Variants in AKR1D1 observed in about 807,000 individuals in gnomAD.
AKR1D1 encodes the protein aldo-keto reductase family 1 member D1, also known as delta(4)-3-ketosteroid 5-beta-reductase.
AKR1D1 carries 32 observed loss-of-function variants against 42.6 expected under a neutral mutation model. That is an observed-to-expected ratio of 0.75 (90% CI 0.57 to 1.01). The LOEUF (loss-of-function observed/expected upper bound fraction) is 1.01, where lower values mean the gene tolerates loss of function less well. AKR1D1 is among the 50% of genes least tolerant of loss of function. The probability of loss-of-function intolerance (pLI) is 0.00; values close to 1 mark genes in which losing one functional copy is unlikely to be tolerated. For missense variants in AKR1D1, 364 were observed against 402.2 expected (o/e 0.91, Z 0.81); for synonymous variants, 123 against 135.5 (o/e 0.91, Z 0.64).
Position 138,107,410 on chromosome 7 carries a change from T to C in AKR1D1, c.690-5T>C. ...AATTATGATGCATGTTTTGATATTTTTAAGGGTGAATGTTTCTTCTCCACC... is the reference window on the plus strand; with the variant it reads ...AATTATGATGCATGTTTTGATATTTCTAAGGGTGAATGTTTCTTCTCCACC... On this transcript the variant is annotated splice_polypyrimidine_tract_variant and splice_region_variant and intron_variant, in intron 6 of 8. Transcript: ENST00000242375. 1.2e-6 allele frequency: 2 copies of C among 1,613,890 alleles called. No individual in the cohort carries two copies. Among genetic ancestry groups the C allele is most frequent in the Non-Finnish European group, 1.7e-6 (2 of 1,179,768 alleles).
chr7:138,093,648 C>A (rs1171124107), intron 3 of AKR1D1, among the ~76,000 whole-genome samples: 1 of 152,220 alleles, frequency 6.6e-6, no homozygotes, highest in East Asian at 1.9e-4. Context: ...AAAGACCTGC[C>A]TGGCGTTTTT....
chr7:138,088,045 C>G (rs1033043202), intron 1 of AKR1D1, among the ~76,000 whole-genome samples: 1 of 152,018 alleles, frequency 6.6e-6, no homozygotes, highest in Admixed American at 6.6e-5. Context: ...CGCATGCCAC[C>G]ACATCCAGCT....
intron 2 of AKR1D1, among the ~76,000 whole-genome samples, chr7:138,090,391 C>CA (rs1257320754): frequency 1.3e-5 from 2 of 152,012 alleles, no homozygotes; most frequent in Non-Finnish European, 2.9e-5. Context: ...AATCCCAGCA[C>CA]TTTGGAAGGC....
At chr7:138,110,082 T>G (rs1424169083) in intron 7 of AKR1D1, among the ~76,000 whole-genome samples, 4 of 152,122 alleles carry the variant, frequency 2.6e-5, no homozygotes. Context: ...TCACAGCCAA[T>G]TCTCACTCTT....
intron 6 of AKR1D1, chr7:138,107,195 G>T: frequency 1.4e-6 from 1 of 714,354 alleles, no homozygotes; most frequent in East Asian, 2.6e-5. Context: ...TTTACCCTCT[G>T]AAGGAGGCAG....
At chr7:138,090,514 G>A (rs1379365224) in intron 2 of AKR1D1, among the ~76,000 whole-genome samples, 3 of 151,794 alleles carry the variant, frequency 2.0e-5, no homozygotes, top group Admixed American at 6.6e-5. Flanking sequence ...GCAGGTGCCT[G>A]TAATCCCAGC....
At chr7:138,076,703 T>C (rs900133884) in intron 1 of AKR1D1, 92 bp downstream of exon 1, 23 of 1,086,084 alleles carry the variant, frequency 2.1e-5, no homozygotes, top group Middle Eastern at 2.9e-4. Context: ...GCAGATCTCA[T>C]TGACTTACTT....
At chr7:138,087,428 T>A (rs74932077) in intron 1 of AKR1D1, among the ~76,000 whole-genome samples, 1 of 152,254 alleles carries the variant, frequency 6.6e-6, no homozygotes, top group South Asian at 2.1e-4. Context: ...CTCATTCTTA[T>A]GTTTAACGTG....
chr7:138,079,268 G>A (rs1387403463), intron 1 of AKR1D1, among the ~76,000 whole-genome samples: 1 of 152,128 alleles, frequency 6.6e-6, no homozygotes, highest in Admixed American at 6.6e-5. Context: ...TTTAAGCTGA[G>A]GACAGGGTGA....
chr7:138,105,344 C>A lies in AKR1D1; in HGVS notation c.494C>A (p.Ser165Tyr), dbSNP rs1562937115. 1 of 1,614,120 alleles carries A rather than the reference C, an allele frequency of 6.2e-7. No homozygotes were observed. The highest frequency in any genetic ancestry group is 1.7e-5 in the Admixed American group (1 of 60,012). ...TGCAAAGACGCTGGCTTGGTGAAAT[C>A]CCTGGGAGTGTCCAATTTTAACCGC... Reference protein sequence around the residue: ...EACKDAGLVKSLGVSNFNRRQ... With the variant: ...EACKDAGLVKYLGVSNFNRRQ... The change falls in exon 5 of 9, where the codon TCC becomes TAC. Residue 165 changes from serine (S) to tyrosine (Y), a missense_variant. Coordinates refer to ENST00000242375, the MANE Select transcript of AKR1D1 (RefSeq NM_005989.4).
chr7:138,088,626 C>T lies in AKR1D1; in HGVS notation c.119C>T (p.Ser40Leu), dbSNP rs745705949. The T allele has an allele frequency of 8.7e-6, 14 of 1,614,044 alleles. No homozygotes were observed. The highest frequency in any genetic ancestry group is 2.2e-5 in the South Asian group (2 of 91,080). Residue 40 changes from serine (S) to leucine (L), a missense_variant, in exon 2 of 9, where the codon TCG (serine) becomes TTG (leucine). Ser to Leu is a moderately radical substitution (Grantham distance 145). Transcript: ENST00000242375. ...ACCCCTAAGGGAGCCTGTGCAACAT[C>T]GGTGAAGGTTGCTATTGACACAGGG... is the stretch of plus-strand genomic sequence containing the variant. ...KSTPKGACATSVKVAIDTGYR... is the reference protein window; with the variant it reads ...KSTPKGACATLVKVAIDTGYR...
chr7:138,109,353 T>C (rs1371041588), intron 7 of AKR1D1, among the ~76,000 whole-genome samples: 1 of 152,212 alleles, frequency 6.6e-6, no homozygotes, highest in Non-Finnish European at 1.5e-5. Context: ...TTTAGTCCTC[T>C]CTCTCTCTCC....
In AKR1D1 at chr7:138,116,814, T is replaced by A; in HGVS notation, c.*152T>A. The A allele has an allele frequency of 3.0e-6, 2 of 663,556 alleles. No homozygotes were observed. Among genetic ancestry groups the A allele is most frequent in the Middle Eastern group, 5.3e-4 (2 of 3,790 alleles). 41.1% of individuals were successfully genotyped at this position (663,556 alleles called of 1,614,324 possible). A position where few individuals can be genotyped will look rare whatever the true frequency, so the allele number is the denominator to read the frequency against. On this transcript the variant is annotated 3_prime_UTR_variant, in exon 9 of 9. Transcript: ENST00000242375. ...ATGTTTAATGTTTGTGCAGTGTAAA[T>A]GACTTTGACTCAGTCACATTGAAGT...
intron 1 of AKR1D1, among the ~76,000 whole-genome samples, chr7:138,083,851 C>G (rs144078080): frequency 6.6e-6 from 1 of 152,146 alleles, no homozygotes; most frequent in Non-Finnish European, 1.5e-5. Flanking sequence ...GTTGTTTCTA[C>G]CAGTCTTCCT....
intron 4 of AKR1D1, among the ~76,000 whole-genome samples, chr7:138,101,649 A>G (rs1794321374): frequency 6.6e-6 from 1 of 152,236 alleles, no homozygotes; most frequent in Non-Finnish European, 1.5e-5. Flanking sequence ...GATGTAATTT[A>G]TATATTAGCA....
At position 138,118,221 on chromosome 7, in the gene AKR1D1, A is replaced by T. The variant is rs139772485; in HGVS notation, c.*1559A>T. ...TGGTCTATACTGATTGTTTTCACTGATTCCAATATTATTACTTATAACACT... is the reference window on the plus strand; with the variant it reads ...TGGTCTATACTGATTGTTTTCACTGTTTCCAATATTATTACTTATAACACT... On this transcript the variant is annotated 3_prime_UTR_variant, in exon 9 of 9. Transcript: ENST00000242375. Among the ~76,000 whole-genome samples, 24 of 152,296 alleles carry T rather than the reference A, an allele frequency of 1.6e-4. No homozygotes were observed. In the East Asian group the frequency reaches 4.2e-3, roughly 27 times the overall value.
intron 4 of AKR1D1, among the ~76,000 whole-genome samples, chr7:138,100,111 A>AAAAAAAAAAAC (rs1562935392): frequency 3.9e-5 from 5 of 127,600 alleles, no homozygotes; most frequent in African/African-American, 1.5e-4. Flanking sequence ...AAAAAAAAAA[A>AAAAAAAAAAAC]AAAAAAACAT....
At chr7:138,105,273 C>G (rs1158052221) in intron 4 of AKR1D1, 34 bp from the exon 5 acceptor site, 2 of 1,613,962 alleles carry the variant, frequency 1.2e-6, no homozygotes, top group Admixed American at 1.7e-5. Context: ...TCTTGTGAGG[C>G]TTGTTTGTTG....
chr7:138,089,913 T>A (rs1433699806), intron 2 of AKR1D1, among the ~76,000 whole-genome samples: 2 of 152,162 alleles, frequency 1.3e-5, no homozygotes, highest in Non-Finnish European at 2.9e-5. Flanking sequence ...CCCAGATCTG[T>A]CACTATTGGC....
Sources: gnomAD v4.1 joint callset for allele counts (sites outside exome capture counted in the v4.1 genomes callset) on GRCh38, gnomAD v4.1.1 for gene constraint, MANE v1.5 for transcripts, NCBI Gene and HGNC (gene_info 2026-07-23, HGNC 2026-07-21) for gene names.